The following SLC14A2 variants were observed in gnomAD, a reference collection of about 807,000 sequenced individuals.
SLC14A2 encodes solute carrier family 14 member 2.
A neutral mutation model predicts 104.6 loss-of-function variants in SLC14A2; 91 were observed. The observed-to-expected ratio is 0.87, with a 90% CI of 0.73 to 1.04. The LOEUF is 1.04. SLC14A2 is among the 50% of genes least tolerant of loss of function. The pLI, the probability that SLC14A2 is intolerant of heterozygous loss-of-function variation, is 0.00. For synonymous variants in SLC14A2, 476 were observed against 466.4 expected (o/e 1.02, Z -0.27); for missense variants, 1,189 against 1,156.0 (o/e 1.03, Z -0.41).
chr18:45,233,699 T>C (rs576076812), intron 1 of SLC14A2, among the ~76,000 whole-genome samples: 3 of 152,110 alleles, frequency 2.0e-5, no homozygotes, highest in African/African-American at 7.2e-5. Flanking sequence ...CCTCCCGAGG[T>C]GGTCTCTATG....
intron 1 of SLC14A2, among the ~76,000 whole-genome samples, chr18:45,217,413 A>G (rs2084020416): frequency 6.6e-6 from 1 of 151,936 alleles, no homozygotes; most frequent in Non-Finnish European, 1.5e-5. Context: ...AAGTCTCCAC[A>G]TAGTTATGAG....
chr18:45,168,469 C>T, the SLC14A2 span: 3 of 152,078 alleles, frequency 2.0e-5, no homozygotes, highest in African/African-American at 7.2e-5. Flanking sequence ...TGAGTCATGC[C>T]TATTCCTTAG....
chr18:45,505,102 T>C (rs930036700), intron 2 of SLC14A2, among the ~76,000 whole-genome samples: 2 of 151,964 alleles, frequency 1.3e-5, no homozygotes, highest in Non-Finnish European at 2.9e-5. Flanking sequence ...CAAAGGGAAA[T>C]GAGGACCTAT....
intron 1 of SLC14A2, among the ~76,000 whole-genome samples, chr18:45,315,563 C>A (rs958891497): frequency 1.3e-5 from 2 of 152,078 alleles, no homozygotes; most frequent in Non-Finnish European, 2.9e-5. Flanking sequence ...ACCTGAGCAA[C>A]CCCCATCCCT....
chr18:45,242,628 T>A (rs373499147), intron 1 of SLC14A2, among the ~76,000 whole-genome samples: 25 of 152,208 alleles, frequency 1.6e-4, no homozygotes, highest in African/African-American at 4.1e-4. Context: ...AAGATCAGGC[T>A]AAATGAATAC....
intron 19 of SLC14A2, 145 bp downstream of exon 19, chr18:45,679,169 A>T: frequency 2.8e-6 from 2 of 718,378 alleles, no homozygotes; most frequent in Middle Eastern, 2.4e-4. Context: ...TCACTTCAGC[A>T]CCTGCTAGGC....
intron 1 of SLC14A2, among the ~76,000 whole-genome samples, chr18:45,346,461 G>C (rs1187307931): frequency 6.6e-6 from 1 of 151,966 alleles, no homozygotes; most frequent in African/African-American, 2.4e-5. Context: ...CTGGTCCCTG[G>C]GTTGTCTTCT....
intron 1 of SLC14A2, among the ~76,000 whole-genome samples, chr18:45,222,909 T>G (rs2084077027): frequency 6.6e-6 from 1 of 152,086 alleles, no homozygotes; most frequent in Non-Finnish European, 1.5e-5. Flanking sequence ...GATACTCAGC[T>G]GAGGCCGCAG....
chr18:45,477,697 T>C (rs1598884639), intron 1 of SLC14A2, among the ~76,000 whole-genome samples: 1 of 152,288 alleles, frequency 6.6e-6, no homozygotes, highest in East Asian at 1.9e-4. Context: ...AGGAGGAATT[T>C]AGAGAAGCAG....
rs370108954 is a variant in SLC14A2 at position 45,399,732 on chromosome 18, C to G, written c.-124-83501C>G. On this transcript the variant is annotated intron_variant, in intron 1 of 20. Transcript: ENST00000586448. The stretch of plus-strand genomic sequence containing the variant: ...TTTCTTCTATTTGCTGCCACCCACA[C>G]ACTGCCAACCACACAGGAAGACAAC... 3.9e-5 allele frequency among the ~76,000 whole-genome samples: 6 copies of G among 152,294 alleles called. No individual in the cohort carries two copies. The East Asian group carries it at 9.6e-4, about 24-fold the overall frequency.
intron 1 of SLC14A2, among the ~76,000 whole-genome samples, chr18:45,411,523 T>A (rs980294912): frequency 2.0e-5 from 3 of 152,168 alleles, no homozygotes; most frequent in African/African-American, 7.2e-5. Context: ...CAGATTCAGC[T>A]CCCTCAAGCC....
At chr18:45,177,008 C>T in the SLC14A2 span, among the ~76,000 whole-genome samples, 1 of 152,148 alleles carries the variant, frequency 6.6e-6, no homozygotes, top group Non-Finnish European at 1.5e-5. Context: ...TAACCTCATG[C>T]TTTTTCCTTC....
At chr18:45,602,786 C>A (rs890243287) in intron 2 of SLC14A2, among the ~76,000 whole-genome samples, 8 of 152,208 alleles carry the variant, frequency 5.3e-5, no homozygotes, top group African/African-American at 1.4e-4. Flanking sequence ...TTCTTCAAAG[C>A]AAACACTCCC....
At chr18:45,634,085 C>T (rs1191558571) in intron 5 of SLC14A2, among the ~76,000 whole-genome samples, 2 of 152,122 alleles carry the variant, frequency 1.3e-5, no homozygotes, top group Non-Finnish European at 2.9e-5. Flanking sequence ...TCCCACTTCC[C>T]AATTTAAAGG....
intron 10 of SLC14A2, among the ~76,000 whole-genome samples, chr18:45,653,520 C>T (rs2045776704): frequency 6.6e-6 from 1 of 152,124 alleles, no homozygotes; most frequent in Non-Finnish European, 1.5e-5. Flanking sequence ...CATGACCCAT[C>T]ATACTCACAA....
chr18:45,480,004 A>C (rs1004310060), intron 1 of SLC14A2, among the ~76,000 whole-genome samples: 1 of 152,162 alleles, frequency 6.6e-6, no homozygotes, highest in Non-Finnish European at 1.5e-5. Context: ...AAGGATTTGC[A>C]TGGTTCAGTA....
chr18:45,326,747 C>T (rs973858348), intron 1 of SLC14A2, among the ~76,000 whole-genome samples: 1 of 152,194 alleles, frequency 6.6e-6, no homozygotes, highest in Non-Finnish European at 1.5e-5. Context: ...TTTCCTCATA[C>T]AGGTTGGATG....
In SLC14A2 at chr18:45,620,858, CTTCT is replaced by C. The variant is rs1191474904; in HGVS notation, c.-34-3766_-34-3763del. ...TTGAAATTATGAATGGAAGCATTTT[CTTCT>C]TTCTTTATGATACATAAAATAGTGA... On this transcript the variant is annotated intron_variant, in intron 1 of 19. Coordinates refer to ENST00000255226, the MANE Select transcript of SLC14A2 (RefSeq NM_007163.4). Among the ~76,000 whole-genome samples the C allele has an allele frequency of 4.6e-5, 7 of 152,254 alleles. No individual in the cohort carries two copies. The East Asian group carries it at 1.4e-3, about 29-fold the overall frequency.
intron 2 of SLC14A2, among the ~76,000 whole-genome samples, chr18:45,572,307 AC>A: frequency 6.6e-6 from 1 of 152,318 alleles, no homozygotes; most frequent in South Asian, 2.1e-4. Flanking sequence ...ACAAATCACC[AC>A]GTAAATATCC....
Sources: gnomAD v4.1 joint callset for allele counts (sites outside exome capture counted in the v4.1 genomes callset) on GRCh38, gnomAD v4.1.1 for gene constraint, MANE v1.5 for transcripts, NCBI Gene and HGNC (gene_info 2026-07-23, HGNC 2026-07-21) for gene names.